Variants in KCNJ15 observed in about 807,000 individuals in gnomAD.
KCNJ15 encodes potassium inwardly rectifying channel subfamily J member 15.
In KCNJ15, 14 loss-of-function variants were observed where a neutral mutation model predicts 23.0. The observed-to-expected ratio is 0.61, with a 90% CI of 0.40 to 0.95. The LOEUF (loss-of-function observed/expected upper bound fraction) is 0.95, where lower values mean the gene tolerates loss of function less well. Ranked by LOEUF, KCNJ15 falls within the 40% of genes least tolerant of loss-of-function variation. KCNJ15 has a pLI of 0.00. For synonymous variants in KCNJ15, 185 were observed against 183.2 expected (o/e 1.01, Z -0.08); for missense variants, 388 against 461.8 (o/e 0.84, Z 1.46).
intron 1 of KCNJ15, among the ~76,000 whole-genome samples, chr21:38,251,264 G>A (rs1979814391): frequency 6.6e-6 from 1 of 152,186 alleles, no homozygotes. Flanking sequence ...AGTTCACTTG[G>A]TAAAAGCCTG....
intron 1 of KCNJ15, chr21:38,238,464 T>C (rs1978769278): frequency 1.5e-6 from 1 of 661,826 alleles, no homozygotes; most frequent in East Asian, 3.4e-5. Flanking sequence ...CCTGGCGGTC[T>C]CCACAGATGG....
intron 1 of KCNJ15, among the ~76,000 whole-genome samples, chr21:38,273,690 A>C (rs114154703): frequency 2.7e-4 from 41 of 152,370 alleles, no homozygotes; most frequent in Non-Finnish European, 4.3e-4. Flanking sequence ...CAGACCTAAA[A>C]GATTTGTAGT....
upstream of KCNJ15, among the ~76,000 whole-genome samples, chr21:38,255,486 T>C (rs1231141303): frequency 6.6e-6 from 1 of 152,186 alleles, no homozygotes; most frequent in Non-Finnish European, 1.5e-5. Flanking sequence ...CCTCCTGCCC[T>C]GAACCCCTGG....
chr21:38,253,668 A>T (rs1433517532), upstream of KCNJ15, among the ~76,000 whole-genome samples: 2 of 152,206 alleles, frequency 1.3e-5, no homozygotes, highest in Non-Finnish European at 2.9e-5. Context: ...TCAAGCCAAG[A>T]TGAGGATTGG....
At chr21:38,256,842 C>T (rs1437295110), upstream of KCNJ15, 3 of 152,080 alleles carry the variant, frequency 2.0e-5, no homozygotes, top group Non-Finnish European at 4.4e-5. Context: ...TCTCCTTTCT[C>T]AGATTCCTTC....
At chr21:38,248,258 A>G (rs1257843477) in intron 1 of KCNJ15, among the ~76,000 whole-genome samples, 2 of 152,220 alleles carry the variant, frequency 1.3e-5, no homozygotes, top group Non-Finnish European at 2.9e-5. Flanking sequence ...AAGTTCTGTA[A>G]CCAAGATAAG....
At chr21:38,259,561 A>G (rs1215844241) in intron 1 of KCNJ15, among the ~76,000 whole-genome samples, 1 of 152,238 alleles carries the variant, frequency 6.6e-6, no homozygotes, top group Admixed American at 6.5e-5. Flanking sequence ...TCAGAAAGCC[A>G]TTACATGAGT....
At chr21:38,243,702 G>A (rs915069809) in intron 1 of KCNJ15, among the ~76,000 whole-genome samples, 5 of 152,200 alleles carry the variant, frequency 3.3e-5, no homozygotes, top group South Asian at 2.1e-4. Context: ...GATTATAGGC[G>A]TGAGCCACCA....
rs71184612 is a variant in KCNJ15, at chr21:38,288,030, GTTTTTTT to G, written c.-116-8874_-116-8868del. Among the ~76,000 whole-genome samples the G allele has an allele frequency of 5.8e-3, 472 of 81,344 alleles. 2 individuals are homozygous for G. Among genetic ancestry groups the G allele is most frequent in the African/African-American group, 0.023 (451 of 19,800 alleles). 53.4% of individuals were successfully genotyped at this position (81,344 alleles called of 152,430 possible). ...TGTTAAATAACTTGTTTTTTTCTTT[GTTTTTTT>G]TTTTTTTTTTTTTTTTTTTTTGAGA... On this transcript the variant is annotated intron_variant, in intron 1 of 2. Coordinates refer to ENST00000398938, the MANE Select transcript of KCNJ15 (RefSeq NM_170736.3).
chr21:38,254,722 A>G (rs763968225), upstream of KCNJ15, among the ~76,000 whole-genome samples: 1 of 152,230 alleles, frequency 6.6e-6, no homozygotes, highest in Non-Finnish European at 1.5e-5. Flanking sequence ...GTGACTTTGC[A>G]CAAATCACTT....
At chr21:38,241,883 C>T (rs950287254) in intron 1 of KCNJ15, among the ~76,000 whole-genome samples, 9 of 150,758 alleles carry the variant, frequency 6.0e-5, no homozygotes, top group Non-Finnish European at 8.8e-5. Flanking sequence ...GCAGGAGAAT[C>T]GCTTGAACCA....
intron 1 of KCNJ15, among the ~76,000 whole-genome samples, chr21:38,262,447 G>A (rs1290683972): frequency 1.3e-5 from 2 of 152,164 alleles, no homozygotes; most frequent in Admixed American, 6.5e-5. Context: ...AGCAGTGTGG[G>A]TGTGTATTTA....
In KCNJ15 at chr21:38,300,211, T is replaced by C. The variant is rs779291418; in HGVS notation, c.950T>C (p.Leu317Pro). 6.2e-7 allele frequency: 1 copy of C among 1,614,084 alleles called. No homozygotes were observed. The highest frequency in any genetic ancestry group is 8.5e-7 in the Non-Finnish European group (1 of 1,180,020). The part of the protein sequence containing the change: ...WGFEFVPVVS[L>P]SKNGKYVADF... ...TTTGAGTTTGTGCCTGTGGTATCTC[T>C]CTCCAAAAATGGAAAATATGTGGCT... Residue 317 changes from leucine to proline, a missense_variant, in exon 3 of 3, where the codon CTC (leucine) becomes CCC (proline). Transcript: ENST00000398938.
intron 1 of KCNJ15, chr21:38,238,647 G>A (rs879458737): frequency 3.8e-5 from 22 of 571,736 alleles, no homozygotes; most frequent in South Asian, 1.4e-4. Context: ...GGGCTGACAC[G>A]GAATTGGCGC....
chr21:38,246,464 T>G (rs547272861), intron 1 of KCNJ15, among the ~76,000 whole-genome samples: 1 of 152,344 alleles, frequency 6.6e-6, no homozygotes, highest in South Asian at 2.1e-4. Flanking sequence ...TTTGAGTTCG[T>G]TGCAGCTAAT....
chr21:38,260,772 C>A (rs1465958460), intron 1 of KCNJ15, among the ~76,000 whole-genome samples: 2 of 152,132 alleles, frequency 1.3e-5, no homozygotes, highest in Non-Finnish European at 2.9e-5. Context: ...GGACTGAGGA[C>A]CTACAGAGGG....
rs570901752 is a variant in KCNJ15 at position 38,301,282 on chromosome 21, C to G, written c.*893C>G. ...TGTGCTCTGGACAGTGTTCTCAAAG[C>G]AACTTTCTGAAGCCGTGTGGAAAAC... On this transcript the variant is annotated 3_prime_UTR_variant, in exon 3 of 3. Coordinates refer to ENST00000398938, the MANE Select transcript of KCNJ15 (RefSeq NM_170736.3). The G allele has an allele frequency of 3.6e-5, 6 of 167,248 alleles. No individual in the cohort carries two copies. The highest frequency in any genetic ancestry group is 2.0e-4 in the Admixed American group (3 of 15,308). 10.4% of individuals were successfully genotyped at this position (167,248 alleles called of 1,614,324 possible). A position where few individuals can be genotyped will look rare whatever the true frequency, so the allele number is the denominator to read the frequency against.
chr21:38,238,041 C>T (rs111358659), intron 1 of KCNJ15: 33 of 247,748 alleles, frequency 1.3e-4, no homozygotes, highest in African/African-American at 4.7e-4. Flanking sequence ...TTTTCCCCAC[C>T]GTAGGATACT....
chr21:38,252,390 A>T (rs1979900271), upstream of KCNJ15, among the ~76,000 whole-genome samples: 1 of 152,120 alleles, frequency 6.6e-6, no homozygotes, highest in Non-Finnish European at 1.5e-5. Flanking sequence ...CACTTATCAC[A>T]CAATATCATG....
Sources: gnomAD v4.1 joint callset for allele counts (sites outside exome capture counted in the v4.1 genomes callset) on GRCh38, gnomAD v4.1.1 for gene constraint, MANE v1.5 for transcripts, NCBI Gene and HGNC (gene_info 2026-07-23, HGNC 2026-07-21) for gene names.